The following MED12L variants were observed in gnomAD, a reference collection of about 807,000 sequenced individuals.
The protein encoded by MED12L is mediator complex subunit 12L, also known as mediator of RNA polymerase II transcription subunit 12-like protein.
Under a neutral mutation model 281.3 loss-of-function variants are expected in MED12L, and 60 were observed. The observed-to-expected ratio is 0.21, with a 90% CI of 0.17 to 0.26. MED12L has a LOEUF of 0.26. MED12L is among the 10% of genes least tolerant of loss of function. The pLI is 1.00. For missense variants in MED12L, 2,146 were observed against 2,680.9 expected (o/e 0.80, Z 4.41); for synonymous variants, 974 against 987.2 (o/e 0.99, Z 0.25).
intron 27 of MED12L, among the ~76,000 whole-genome samples, chr3:151,375,710 A>T (rs1756762991): frequency 6.6e-6 from 1 of 152,154 alleles, no homozygotes; most frequent in East Asian, 1.9e-4. Context: ...AGCAAGTTAG[A>T]AAAAACTGAC....
At chr3:151,343,088 A>T (rs140514088) in intron 16 of MED12L, among the ~76,000 whole-genome samples, 2,200 of 152,034 alleles carry the variant, frequency 0.014, 73 homozygotes, top group African/African-American at 0.051. Flanking sequence ...CCCCTCTCCC[A>T]CTAAGAGGCC....
At chr3:151,294,655 A>G (rs1260406432) in intron 16 of MED12L, 2 of 1,614,024 alleles carry the variant, frequency 1.2e-6, no homozygotes, top group Non-Finnish European at 1.7e-6. Context: ...CCCCCAAAGG[A>G]CTTTTAAGTT....
intron 37 of MED12L, among the ~76,000 whole-genome samples, chr3:151,388,450 C>T (rs560341270): frequency 6.6e-6 from 1 of 152,274 alleles, no homozygotes; most frequent in East Asian, 1.9e-4. Flanking sequence ...CTCCTAATTT[C>T]CTCGGGTTTG....
At chr3:151,385,270 T>C in intron 36 of MED12L, 79 bp downstream of exon 36, 1 of 775,990 alleles carries the variant, frequency 1.3e-6, no homozygotes. Context: ...CCATAGGATA[T>C]ATAAAATATA....
In MED12L at chr3:151,413,175, G is replaced by A. The variant is rs745549575; in HGVS notation, c.6177G>A (p.Val2059=). The A allele has an allele frequency of 3.2e-5, 51 of 1,613,980 alleles. No individual in the cohort carries two copies. Among genetic ancestry groups the A allele is most frequent in the Non-Finnish European group, 4.2e-5 (49 of 1,179,970 alleles). ...NHQALQQSPL[V]GGGIDAVLTS... ...AGGCTCTACAGCAGAGCCCTCTGGT[G>A]GGCGGGGGAATTGATGCTGTGCTGA... Residue 2059 remains valine, a synonymous_variant, in exon 42 of 45, where the codon GTG becomes GTA. Transcript: ENST00000687756.
At chr3:151,243,069 A>C (rs986548745) in intron 16 of MED12L, among the ~76,000 whole-genome samples, 4 of 150,966 alleles carry the variant, frequency 2.6e-5, no homozygotes, top group Admixed American at 1.3e-4. Flanking sequence ...TTAGAGAAAA[A>C]AGAATAAAAA....
Position 151,387,815 on chromosome 3 carries a change from C to T in MED12L, c.5094C>T (p.Leu1698=), listed in dbSNP as rs2108204261. The change falls in exon 37 of 45, where the codon CTC becomes CTT. Residue 1698 remains leucine (L), a synonymous_variant. Transcript: ENST00000687756. ...AGAGCGCTATTTTCCCACAGGGTCT[C>T]CAGGTCTCTACGAAGCAGAAGGTGT... ...GFDSIDKKQG[L]QVSTKQKVSP... 6.2e-7 allele frequency: 1 copy of T among 1,611,194 alleles called. No homozygotes were observed. The highest frequency in any genetic ancestry group is 2.2e-5 in the East Asian group (1 of 44,840).
At chr3:151,168,251 T>C (rs1383336676) in intron 11 of MED12L, among the ~76,000 whole-genome samples, 1 of 152,228 alleles carries the variant, frequency 6.6e-6, no homozygotes, top group Non-Finnish European at 1.5e-5. Flanking sequence ...TTAGAACTTC[T>C]GTTCAGATTA....
At chr3:151,354,140 C>CAAAAAAAA (rs63033360) in intron 17 of MED12L, among the ~76,000 whole-genome samples, 65 of 62,830 alleles carry the variant, frequency 1.0e-3, no homozygotes, top group East Asian at 2.3e-3. Flanking sequence ...GACTCCGTCT[C>CAAAAAAAA]AAAAAAAAAA....
intron 43 of MED12L, among the ~76,000 whole-genome samples, chr3:151,417,825 TG>T (rs1271392167): frequency 6.6e-6 from 1 of 152,218 alleles, no homozygotes; most frequent in Non-Finnish European, 1.5e-5. Context: ...TTTCCAGCTC[TG>T]ATTTAAAAAT....
chr3:151,108,784 G>C (rs1010895838), intron 2 of MED12L, among the ~76,000 whole-genome samples: 1 of 152,164 alleles, frequency 6.6e-6, no homozygotes, highest in Non-Finnish European at 1.5e-5. Flanking sequence ...AGGAGGTTGT[G>C]AGTGTCTGTA....
intron 2 of MED12L, among the ~76,000 whole-genome samples, chr3:151,108,208 G>A (rs989668976): frequency 7.6e-6 from 1 of 131,930 alleles, no homozygotes; most frequent in Admixed American, 8.5e-5. Flanking sequence ...GAATCCTGCT[G>A]TAACAGCTGC....
In MED12L at chr3:151,303,183, A is replaced by G. The variant is rs150441264; in HGVS notation, c.2251-46876A>G. Among the ~76,000 whole-genome samples the G allele has an allele frequency of 3.5e-4, 53 of 152,316 alleles. 1 individual carries two copies. In the East Asian group the frequency reaches 9.8e-3, roughly 28 times the overall value. ...CTGAATGATGCTGGTGAAAAGGGTT[A>G]GAAGATTGTTGGAGGCCTCCCAGGT... On this transcript the variant is annotated intron_variant, in intron 16 of 44. Transcript: ENST00000687756.
chr3:151,309,422 A>G (rs1284214110), intron 16 of MED12L, among the ~76,000 whole-genome samples: 1 of 152,122 alleles, frequency 6.6e-6, no homozygotes, highest in Admixed American at 6.5e-5. Flanking sequence ...TCACTGGCTT[A>G]CTGTCTTATA....
chr3:151,420,637 A>G (rs1276050996), intron 43 of MED12L, among the ~76,000 whole-genome samples: 2 of 152,182 alleles, frequency 1.3e-5, no homozygotes, highest in Non-Finnish European at 2.9e-5. Context: ...TTGTCACCTA[A>G]TTGGCATTGT....
intron 16 of MED12L, among the ~76,000 whole-genome samples, chr3:151,254,660 T>C (rs1350803826): frequency 6.6e-6 from 1 of 152,252 alleles, no homozygotes; most frequent in Admixed American, 6.5e-5. Flanking sequence ...GAAGTCCAAG[T>C]GCATGTTTAT....
intron 16 of MED12L, chr3:151,294,716 ATGT>A (rs751054984): frequency 2.0e-5 from 32 of 1,614,092 alleles, no homozygotes; most frequent in Non-Finnish European, 2.7e-5. Context: ...TGTTAGGATG[ATGT>A]TTGGCAAAGA....
intron 16 of MED12L, among the ~76,000 whole-genome samples, chr3:151,228,105 A>G (rs183442781): frequency 9.2e-5 from 14 of 152,302 alleles, no homozygotes; most frequent in African/African-American, 3.1e-4. Flanking sequence ...AGTAATCTGT[A>G]TGCTAAGGTC....
chr3:151,114,953 G>C (rs892735841), intron 2 of MED12L, among the ~76,000 whole-genome samples: 1 of 152,068 alleles, frequency 6.6e-6, no homozygotes, highest in African/African-American at 2.4e-5. Flanking sequence ...CCTAGTCTAG[G>C]ATTTAGAAGA....
Sources: allele counts gnomAD v4.1 joint callset (sites outside exome capture counted in the v4.1 genomes callset), GRCh38; gene constraint gnomAD v4.1.1; transcripts MANE v1.5; gene names NCBI Gene and HGNC (gene_info 2026-07-23, HGNC 2026-07-21).